Variants in SPIDR observed in about 807,000 individuals in gnomAD.
SPIDR encodes scaffold protein involved in DNA repair.
Under a neutral mutation model 104.6 loss-of-function variants are expected in SPIDR, and 93 were observed. That is an observed-to-expected ratio of 0.89 (90% CI 0.75 to 1.06). SPIDR has a LOEUF of 1.06. Ranked by LOEUF, SPIDR falls within the 50% of genes least tolerant of loss-of-function variation. SPIDR has a pLI of 0.00. For missense variants in SPIDR, 1,154 were observed against 1,111.2 expected (o/e 1.04, Z -0.55); for synonymous variants, 431 against 416.9 (o/e 1.03, Z -0.41).
chr8:47,335,699 C>T (rs540338584), intron 5 of SPIDR, among the ~76,000 whole-genome samples: 32 of 152,306 alleles, frequency 2.1e-4, no homozygotes, highest in African/African-American at 4.8e-4. Context: ...GATACACCCA[C>T]GTCGGCCTCC....
chr8:47,469,555 G>T (rs782572604), intron 8 of SPIDR, among the ~76,000 whole-genome samples: 2 of 151,928 alleles, frequency 1.3e-5, no homozygotes, highest in Non-Finnish European at 2.9e-5. Flanking sequence ...AAAAAAATGA[G>T]GTCGTGATTT....
chr8:47,342,497 C>T (rs190752469), intron 5 of SPIDR, among the ~76,000 whole-genome samples: 25 of 151,842 alleles, frequency 1.6e-4, no homozygotes, highest in East Asian at 3.9e-4. Flanking sequence ...CCACCACACC[C>T]GGCTAATTTT....
At chr8:47,535,400 CAAAT>C (rs980684256) in intron 8 of SPIDR, among the ~76,000 whole-genome samples, 3 of 151,616 alleles carry the variant, frequency 2.0e-5, no homozygotes, top group African/African-American at 7.3e-5. Flanking sequence ...TTGCAGATAA[CAAAT>C]AACTAATTCT....
chr8:47,397,911 C>T (rs1272118989), intron 6 of SPIDR, among the ~76,000 whole-genome samples: 1 of 152,102 alleles, frequency 6.6e-6, no homozygotes, highest in Non-Finnish European at 1.5e-5. Context: ...ACCATGGCTA[C>T]ATCAGCATCC....
intron 8 of SPIDR, among the ~76,000 whole-genome samples, chr8:47,549,258 G>T (rs925664633): frequency 5.9e-5 from 9 of 152,200 alleles, no homozygotes; most frequent in African/African-American, 2.2e-4. Flanking sequence ...ATAGCAGCAT[G>T]ATTTATAATC....
At chr8:47,331,965 CTTTTTT>C (rs1183447584) in intron 5 of SPIDR, among the ~76,000 whole-genome samples, 170 of 32,696 alleles carry the variant, frequency 5.2e-3, no homozygotes, top group African/African-American at 0.013. Context: ...TTTTTTTAAA[CTTTTTT>C]TTTTTTTTTT....
intron 7 of SPIDR, among the ~76,000 whole-genome samples, chr8:47,431,597 G>A (rs1554689331): frequency 1.3e-5 from 2 of 152,136 alleles, no homozygotes; most frequent in African/African-American, 4.8e-5. Context: ...GCTCAGCTAG[G>A]CTTTGACTGC....
intron 7 of SPIDR, among the ~76,000 whole-genome samples, chr8:47,423,570 G>A (rs1405021028): frequency 6.6e-6 from 1 of 152,046 alleles, no homozygotes; most frequent in Non-Finnish European, 1.5e-5. Context: ...CCACTGCACT[G>A]CTATCTGGGC....
chr8:47,405,291 CGTGTGTGTGTGTGT>C (rs34302817), intron 6 of SPIDR, among the ~76,000 whole-genome samples: 67 of 145,002 alleles, frequency 4.6e-4, no homozygotes, highest in Non-Finnish European at 9.2e-4. Context: ...CAACATGGCA[CGTGTGTGTGTGTGT>C]GTGTGTGTGT....
chr8:47,261,431 G>C (rs1342825542), intron 1 of SPIDR, among the ~76,000 whole-genome samples: 1 of 152,282 alleles, frequency 6.6e-6, no homozygotes, highest in Non-Finnish European at 1.5e-5. Flanking sequence ...GGACTGTGCG[G>C]CTGACTGCCC....
At chr8:47,573,549 A>G (rs919425166) in intron 8 of SPIDR, among the ~76,000 whole-genome samples, 5 of 152,192 alleles carry the variant, frequency 3.3e-5, no homozygotes, top group African/African-American at 7.2e-5. Flanking sequence ...GGCCAGGTCT[A>G]TGTTCCATCC....
Position 47,440,315 on chromosome 8 carries a change from A to G in SPIDR, c.878-8A>G, listed in dbSNP as rs1437816751. 9.9e-6 allele frequency: 16 copies of G among 1,612,014 alleles called. No individual in the cohort carries two copies. Among genetic ancestry groups the G allele is most frequent in the African/African-American group, 6.7e-5 (5 of 74,850 alleles). ...CATTTTTGCTTTGTTCTTTTCTTCA[A>G]CTTCTAGGTAGAAAATCTGGTGTAT... On this transcript the variant is annotated splice_region_variant and splice_polypyrimidine_tract_variant and intron_variant, in intron 7 of 19. Transcript: ENST00000297423.
chr8:47,648,414 G>A (rs1277715755), intron 10 of SPIDR, among the ~76,000 whole-genome samples: 3 of 152,214 alleles, frequency 2.0e-5, no homozygotes, highest in East Asian at 3.8e-4. Context: ...AGGGAGAAAA[G>A]TAAAATGAAC....
intron 14 of SPIDR, 136 bp from the exon 15 acceptor site, chr8:47,712,526 A>G: frequency 9.6e-7 from 1 of 1,038,948 alleles, no homozygotes; most frequent in Non-Finnish European, 1.4e-6. Context: ...CAAGATGTGC[A>G]AAGTCTAGTG....
chr8:47,587,223 G>T (rs578102676), intron 8 of SPIDR, among the ~76,000 whole-genome samples: 176 of 152,156 alleles, frequency 1.2e-3, no homozygotes, highest in African/African-American at 4.2e-3. Flanking sequence ...TGAGTTAAAT[G>T]GTATATAAGT....
intron 8 of SPIDR, among the ~76,000 whole-genome samples, chr8:47,588,086 T>TATATATAC (rs2060511904): frequency 1.0e-5 from 1 of 99,854 alleles, no homozygotes; most frequent in African/African-American, 4.0e-5. Flanking sequence ...TATATATATA[T>TATATATAC]ACACGTATGT....
intron 8 of SPIDR, chr8:47,511,011 G>A (rs541559523): frequency 4.1e-6 from 3 of 728,952 alleles, no homozygotes; most frequent in South Asian, 1.5e-5. Flanking sequence ...CAGGAGAGAG[G>A]CCAGGCAGCT....
chr8:47,672,579 A>C, intron 10 of SPIDR, among the ~76,000 whole-genome samples: 1 of 152,142 alleles, frequency 6.6e-6, no homozygotes, highest in East Asian at 1.9e-4. Context: ...TTCCTTTTTG[A>C]AAATGTGATT....
intron 10 of SPIDR, among the ~76,000 whole-genome samples, chr8:47,661,447 C>T (rs1563460737): frequency 2.0e-5 from 3 of 152,248 alleles, no homozygotes; most frequent in Admixed American, 2.0e-4. Flanking sequence ...GGATGCATAC[C>T]TTTGCCTTGG....
Sources: allele counts gnomAD v4.1 joint callset (sites outside exome capture counted in the v4.1 genomes callset), GRCh38; gene constraint gnomAD v4.1.1; transcripts MANE v1.5; gene names NCBI Gene and HGNC (gene_info 2026-07-23, HGNC 2026-07-21).